Variants in TMEM68 observed in about 807,000 individuals in gnomAD.
TMEM68 encodes DGAT1/2-independent enzyme synthesizing storage lipids.
Under a neutral mutation model 36.9 loss-of-function variants are expected in TMEM68, and 25 were observed. The ratio of observed to expected loss-of-function variants is 0.68; its 90% confidence interval spans 0.49 to 0.95. The LOEUF (loss-of-function observed/expected upper bound fraction) is 0.95. TMEM68 is among the 40% of genes least tolerant of loss of function. TMEM68 has a pLI of 0.00. For synonymous variants in TMEM68, 131 were observed against 124.4 expected (o/e 1.05, Z -0.35); for missense variants, 333 against 392.0 (o/e 0.85, Z 1.27).
rs759508840 is a variant in TMEM68, at chr8:55,756,265, G to C, written c.472C>G (p.His158Asp). The C allele has an allele frequency of 3.8e-6, 6 of 1,595,570 alleles. No homozygotes were observed. Among genetic ancestry groups the C allele is most frequent in the Non-Finnish European group, 5.1e-6 (6 of 1,175,824 alleles). The change falls in exon 4 of 8, where the codon CAC becomes GAC. Residue 158 changes from histidine (H) to aspartate (D), a missense_variant. By Grantham distance (81) the His-to-Asp change is moderately conservative. Coordinates refer to ENST00000434581, the MANE Select transcript of TMEM68 (RefSeq NM_001286657.2). ...KGRTCRVVAD[H>D]FVFKIPGFSL... ...TTACCTGGAATTTTAAAGACAAAGT[G>C]ATCAGCTACTACTCGGCAAGTTCTG...
chr8:55,741,285 A>G (rs950089111), intron 7 of TMEM68, among the ~76,000 whole-genome samples: 1 of 152,202 alleles, frequency 6.6e-6, no homozygotes, highest in East Asian at 1.9e-4. Flanking sequence ...TCATACCTGT[A>G]AAATGAGAAC....
rs1432401063 is a variant in TMEM68 at position 55,751,008 on chromosome 8, C to T, written c.643G>A (p.Gly215Ser). The T allele has an allele frequency of 6.2e-7, 1 of 1,613,666 alleles. No individual in the cohort carries two copies. Among genetic ancestry groups the T allele is most frequent in the East Asian group, 2.2e-5 (1 of 44,862 alleles). The part of the protein sequence containing the change: ...ISDETYNIVW[G>S]HRRGFAQVAI... Reference sequence around the variant, plus strand: ...ACCTGAGCAAAGCCTCTGCGATGACCCCATACGATGTTATAAGTTTCATCA... The same window carrying T: ...ACCTGAGCAAAGCCTCTGCGATGACTCCATACGATGTTATAAGTTTCATCA... Residue 215 changes from glycine to serine, a missense_variant, in exon 5 of 8, where the codon GGT becomes AGT. Coordinates refer to ENST00000434581, the MANE Select transcript of TMEM68 (RefSeq NM_001286657.2).
intron 4 of TMEM68, 133 bp from the exon 5 acceptor site, chr8:55,751,290 CA>C (rs1472776101): frequency 8.9e-6 from 7 of 782,382 alleles, no homozygotes; most frequent in Non-Finnish European, 7.8e-6. Flanking sequence ...TTAAAATCAA[CA>C]AAAACTCTAA....
intron 4 of TMEM68, among the ~76,000 whole-genome samples, chr8:55,753,552 G>A (rs1163349580): frequency 6.6e-6 from 1 of 152,096 alleles, no homozygotes; most frequent in African/African-American, 2.4e-5. Flanking sequence ...GTGACACATG[G>A]ATACCCAAAG....
At chr8:55,767,229 C>T (rs764384929) in intron 1 of TMEM68, among the ~76,000 whole-genome samples, 6 of 152,074 alleles carry the variant, frequency 3.9e-5, no homozygotes, top group Non-Finnish European at 7.4e-5. Flanking sequence ...GTGCTTTCTA[C>T]CATATAAGCA....
intron 1 of TMEM68, among the ~76,000 whole-genome samples, chr8:55,768,365 G>A (rs1294852601): frequency 6.6e-6 from 1 of 152,128 alleles, no homozygotes; most frequent in Admixed American, 6.5e-5. Context: ...AAACAGGTGG[G>A]TATCTAGAAG....
intron 3 of TMEM68, among the ~76,000 whole-genome samples, chr8:55,756,771 G>T (rs913949835): frequency 3.3e-5 from 5 of 152,166 alleles, no homozygotes; most frequent in African/African-American, 4.8e-5. Flanking sequence ...GGGCTGCTGA[G>T]GGGGAAGAGA....
chr8:55,759,846 A>T (rs1350804147), intron 3 of TMEM68, among the ~76,000 whole-genome samples: 1 of 152,230 alleles, frequency 6.6e-6, no homozygotes, highest in Non-Finnish European at 1.5e-5. Flanking sequence ...TTAATCACAG[A>T]TTTGAACTAG....
At position 55,773,375 on chromosome 8, in the gene TMEM68, G is replaced by A. The variant is rs1324421128; in HGVS notation, c.-221C>T. ...ACCCGTGTGAAAGAAGCCAAGCGGC[G>A]GCTGCAGCCCGGGCCGCGATGGGGG... On this transcript the variant is annotated 5_prime_UTR_variant, in exon 1 of 8. Transcript: ENST00000434581. 4 of 415,502 alleles carry A rather than the reference G, an allele frequency of 9.6e-6. No individual in the cohort carries two copies. Among genetic ancestry groups the A allele is most frequent in the African/African-American group, 6.2e-5 (3 of 48,036 alleles). 25.7% of individuals were successfully genotyped at this position (415,502 alleles called of 1,614,324 possible). A position where few individuals can be genotyped will look rare whatever the true frequency, so the allele number is the denominator to read the frequency against.
Position 55,763,247 on chromosome 8 carries a change from GAGAGAAGAAAATAAAGCTATAATTA to G in TMEM68, c.-69-244_-69-220del, listed in dbSNP as rs544416335. Among the ~76,000 whole-genome samples, 971 of 152,204 alleles carry G rather than the reference GAGAGAAGAAAATAAAGCTATAATTA, an allele frequency of 6.4e-3. 11 individuals are homozygous for G. Among genetic ancestry groups the G allele is most frequent in the African/African-American group, 0.022 (902 of 41,526 alleles). The stretch of plus-strand genomic sequence containing the variant: ...GCTTTTGAAATAATTCACTATAATT[GAGAGAAGAAAATAAAGCTATAATTA>G]AGAGAAGAAAATAAAGCTGATGAGG... On this transcript the variant is annotated intron_variant, in intron 2 of 7. Coordinates refer to ENST00000434581, the MANE Select transcript of TMEM68 (RefSeq NM_001286657.2).
At chr8:55,754,712 A>G (rs1468523620) in intron 4 of TMEM68, among the ~76,000 whole-genome samples, 6 of 129,150 alleles carry the variant, frequency 4.6e-5, no homozygotes, top group Non-Finnish European at 9.3e-5. Flanking sequence ...ATACTTATAT[A>G]TATATTATAT....
At position 55,749,392 on chromosome 8, in the gene TMEM68, G is replaced by T. The variant is rs78021825; in HGVS notation, c.687+1572C>A. On this transcript the variant is annotated intron_variant, in intron 5 of 7. Transcript: ENST00000434581. ...TCCTGTAACAATAGCCTTAAATTTTGTTCACAGCTTATAATTTTGTGAGGC... is the reference window on the plus strand; with the variant it reads ...TCCTGTAACAATAGCCTTAAATTTTTTTCACAGCTTATAATTTTGTGAGGC... Among the ~76,000 whole-genome samples the T allele has an allele frequency of 7.6e-3, 1,154 of 152,154 alleles. 8 individuals carry two copies. The highest frequency in any genetic ancestry group is 0.02 in the Middle Eastern group (6 of 294).
intron 4 of TMEM68, 32 bp downstream of exon 4, chr8:55,756,212 T>C (rs985872830): frequency 1.3e-6 from 2 of 1,570,466 alleles, no homozygotes; most frequent in African/African-American, 1.4e-5. Context: ...TAATAAAACA[T>C]TTTTACATTA....
rs56065552 is a variant in TMEM68, at chr8:55,769,322, C to CAA, written c.-115+3945_-115+3946dup. 1.4e-4 allele frequency among the ~76,000 whole-genome samples: 10 copies of CAA among 71,598 alleles called. 1 individual carries two copies. Among genetic ancestry groups the CAA allele is most frequent in the South Asian group, 1.4e-3 (2 of 1,438 alleles). 47.0% of individuals were successfully genotyped at this position (71,598 alleles called of 152,430 possible). ...CAGGGACAGAATGAGAATCCCATCTCAAAAAAAAAAAAAAAAAAAGATAGG... is the reference window on the plus strand; with the variant it reads ...CAGGGACAGAATGAGAATCCCATCTCAAAAAAAAAAAAAAAAAAAAAGATAGG... On this transcript the variant is annotated intron_variant, in intron 1 of 7. Transcript: ENST00000434581.
At chr8:55,765,420 C>G (rs1810934080) in intron 1 of TMEM68, among the ~76,000 whole-genome samples, 2 of 152,156 alleles carry the variant, frequency 1.3e-5, no homozygotes, top group African/African-American at 4.8e-5. Context: ...TGTACGGTAA[C>G]CCCTGTGCCT....
chr8:55,743,750 AT>A (rs1585705341), intron 6 of TMEM68, 130 bp from the exon 7 acceptor site: 4 of 751,118 alleles, frequency 5.3e-6, no homozygotes, highest in Admixed American at 3.5e-5. Context: ...AATTAATACA[AT>A]TTTTTTAAAA....
chr8:55,761,407 C>G (rs1383003213), intron 3 of TMEM68: 1 of 152,196 alleles, frequency 6.6e-6, no homozygotes, highest in Non-Finnish European at 1.5e-5. Context: ...AGAAATCTTA[C>G]TGGACTTTAA....
In TMEM68 at chr8:55,739,233, A is replaced by C. The variant is rs1810022223; in HGVS notation, c.*899T>G. 6.5e-6 allele frequency: 1 copy of C among 152,676 alleles called. No individual in the cohort carries two copies. Among genetic ancestry groups the C allele is most frequent in the Non-Finnish European group, 1.5e-5 (1 of 68,048 alleles). The allele number at this position is 152,676 out of a possible 1,614,324, so 9.5% of individuals were successfully genotyped here. A position where few individuals can be genotyped will look rare whatever the true frequency, so the allele number is the denominator to read the frequency against. ...AAGCCTCAATATTGAGCAAAAGTAG[A>C]GAACTCTTGCTTTCCTCAGCCTAGA... On this transcript the variant is annotated 3_prime_UTR_variant, in exon 8 of 8. Coordinates refer to ENST00000434581, the MANE Select transcript of TMEM68 (RefSeq NM_001286657.2).
chr8:55,745,911 G>A (rs1195632154), intron 5 of TMEM68: 1 of 152,194 alleles, frequency 6.6e-6, no homozygotes, highest in African/African-American at 2.4e-5. Context: ...GCAAGATGCT[G>A]TCGTGGAATT....
Sources: gnomAD v4.1 joint callset for allele counts (sites outside exome capture counted in the v4.1 genomes callset) on GRCh38, gnomAD v4.1.1 for gene constraint, MANE v1.5 for transcripts, NCBI Gene and HGNC (gene_info 2026-07-23, HGNC 2026-07-21) for gene names.